The following SOX6 variants were observed in gnomAD, a reference collection of about 807,000 sequenced individuals.
SOX6 encodes the protein transcription factor SOX-6.
SOX6 carries 11 observed loss-of-function variants against 97.8 expected under a neutral mutation model. The ratio of observed to expected loss-of-function variants is 0.11; its 90% CI spans 0.07 to 0.19. The LOEUF is 0.19. SOX6 is among the 10% of genes least tolerant of loss of function. The pLI, the probability that SOX6 is intolerant of heterozygous loss-of-function variation, is 1.00. For synonymous variants in SOX6, 360 were observed against 371.4 expected (o/e 0.97, Z 0.35); for missense variants, 810 against 1,039.5 (o/e 0.78, Z 3.04).
intron 4 of SOX6, among the ~76,000 whole-genome samples, chr11:16,528,065 A>C (rs1861193457): frequency 6.6e-6 from 1 of 152,082 alleles, no homozygotes; most frequent in South Asian, 2.1e-4. Flanking sequence ...AGCCCGCTCC[A>C]TTATTTTCTT....
At position 16,064,934 on chromosome 11, in the gene SOX6, G is replaced by A. The variant is rs149200987; in HGVS notation, c.1102-9033C>T. Reference sequence around the variant, plus strand: ...CATACTCAATGGAGAAAAACAGAAAGCCTTTCCTCTAAGATCTGGAACATG... The same window carrying A: ...CATACTCAATGGAGAAAAACAGAAAACCTTTCCTCTAAGATCTGGAACATG... On this transcript the variant is annotated intron_variant, in intron 9 of 15. Coordinates refer to ENST00000683767, the MANE Select transcript of SOX6 (RefSeq NM_001367873.1). Among the ~76,000 whole-genome samples the A allele has an allele frequency of 3.1e-3, 475 of 151,968 alleles. 2 individuals carry two copies. Among genetic ancestry groups the A allele is most frequent in the Non-Finnish European group, 4.7e-3 (318 of 67,860 alleles).
chr11:15,979,789 C>G (rs888785681), intron 15 of SOX6, among the ~76,000 whole-genome samples: 6 of 151,952 alleles, frequency 3.9e-5, no homozygotes, highest in Non-Finnish European at 7.4e-5. Context: ...GTTGCTTTCT[C>G]AGTGAGGTTT....
At chr11:16,514,012 A>G (rs1860921954) in intron 4 of SOX6, among the ~76,000 whole-genome samples, 1 of 151,710 alleles carries the variant, frequency 6.6e-6, no homozygotes, top group Non-Finnish European at 1.5e-5. Context: ...GGAGTTTGAG[A>G]CCAGCCTGGG....
intron 1 of SOX6, among the ~76,000 whole-genome samples, chr11:16,349,749 AAGGAAGGAAGGG>A (rs1856885410): frequency 2.0e-5 from 3 of 148,670 alleles, no homozygotes; most frequent in African/African-American, 7.4e-5. Context: ...GGAAGGAAGG[AAGGAAGGAAGGG>A]AAGGAAGGGA....
chr11:16,029,982 T>C (rs1855321689), intron 12 of SOX6, among the ~76,000 whole-genome samples: 1 of 152,204 alleles, frequency 6.6e-6, no homozygotes, highest in Admixed American at 6.5e-5. Flanking sequence ...TGAATTTGCG[T>C]TATGATCAAA....
intron 1 of SOX6, among the ~76,000 whole-genome samples, chr11:16,344,596 A>G (rs936101249): frequency 2.6e-5 from 4 of 151,910 alleles, no homozygotes; most frequent in Admixed American, 6.6e-5. Context: ...TGTCATGTGG[A>G]ATGCTTACAT....
intron 12 of SOX6, among the ~76,000 whole-genome samples, chr11:16,016,596 C>G (rs1854892850): frequency 6.6e-6 from 1 of 152,032 alleles, no homozygotes; most frequent in South Asian, 2.1e-4. Context: ...CAACAAAAAG[C>G]AACTATAAGC....
At chr11:16,690,545 C>T (rs890331733) in intron 3 of SOX6, among the ~76,000 whole-genome samples, 19 of 152,154 alleles carry the variant, frequency 1.2e-4, no homozygotes, top group Non-Finnish European at 2.8e-4. Flanking sequence ...ACAGAATTGT[C>T]AAAAAGGAAA....
At chr11:16,365,816 T>C (rs1857343809) in intron 1 of SOX6, among the ~76,000 whole-genome samples, 1 of 152,206 alleles carries the variant, frequency 6.6e-6, no homozygotes. Flanking sequence ...CTTCATTTTG[T>C]TCTTTGGTTT....
At chr11:16,694,209 A>T (rs1848036091) in intron 3 of SOX6, among the ~76,000 whole-genome samples, 1 of 152,194 alleles carries the variant, frequency 6.6e-6, no homozygotes, top group Admixed American at 6.5e-5. Flanking sequence ...GGAGAAATAA[A>T]ATGCATGCCA....
At chr11:16,360,793 G>A (rs914599887), upstream of SOX6, among the ~76,000 whole-genome samples, 5 of 152,208 alleles carry the variant, frequency 3.3e-5, no homozygotes, top group South Asian at 8.3e-4. Flanking sequence ...CACAAGGTCA[G>A]GAGATCGAGA....
chr11:16,129,109 C>A (rs1849677940), intron 6 of SOX6, among the ~76,000 whole-genome samples: 1 of 149,918 alleles, frequency 6.7e-6, no homozygotes, highest in Non-Finnish European at 1.5e-5. Flanking sequence ...CTCAGGTGAT[C>A]TGCCCACCTT....
intron 3 of SOX6, among the ~76,000 whole-genome samples, chr11:16,309,933 C>A (rs1435833997): frequency 6.6e-6 from 1 of 151,986 alleles, no homozygotes; most frequent in Non-Finnish European, 1.5e-5. Flanking sequence ...TTCATAAAAC[C>A]ATCAGAAAGC....
intron 12 of SOX6, among the ~76,000 whole-genome samples, chr11:16,017,634 A>G (rs1854928785): frequency 6.6e-6 from 1 of 152,116 alleles, no homozygotes; most frequent in African/African-American, 2.4e-5. Flanking sequence ...CAAAGATTTT[A>G]CCAGTGAGGT....
chr11:16,543,691 T>C (rs1847582587), intron 4 of SOX6, among the ~76,000 whole-genome samples: 3 of 152,198 alleles, frequency 2.0e-5, no homozygotes, highest in Admixed American at 1.3e-4. Context: ...CATGAAAAGA[T>C]GCTCAAAATC....
At chr11:16,213,196 C>T (rs1187955967) in intron 4 of SOX6, among the ~76,000 whole-genome samples, 1 of 151,896 alleles carries the variant, frequency 6.6e-6, no homozygotes, top group Non-Finnish European at 1.5e-5. Flanking sequence ...ATGTTATGCC[C>T]AGAAAGCTTA....
chr11:16,450,196 T>C (rs555396914), intron 1 of SOX6, among the ~76,000 whole-genome samples: 102 of 152,322 alleles, frequency 6.7e-4, no homozygotes, highest in African/African-American at 2.3e-3. Flanking sequence ...CTATCAGCTG[T>C]TAAGTAAGTC....
chr11:16,286,441 A>C (rs1854744822), intron 3 of SOX6, among the ~76,000 whole-genome samples: 1 of 152,166 alleles, frequency 6.6e-6, no homozygotes, highest in African/African-American at 2.4e-5. Context: ...TTAAGATATT[A>C]CTAATATATA....
intron 3 of SOX6, among the ~76,000 whole-genome samples, chr11:16,275,957 A>T (rs929961537): frequency 6.6e-6 from 1 of 152,186 alleles, no homozygotes; most frequent in African/African-American, 2.4e-5. Context: ...ATACTATAAC[A>T]GTTTTTGAGT....
Sources: allele counts gnomAD v4.1 joint callset (sites outside exome capture counted in the v4.1 genomes callset), GRCh38; gene constraint gnomAD v4.1.1; transcripts MANE v1.5; gene names NCBI Gene and HGNC (gene_info 2026-07-23, HGNC 2026-07-21).